Variants in NAALADL2 observed in about 807,000 individuals in gnomAD.
NAALADL2 encodes the protein N-acetylated alpha-linked acidic dipeptidase like 2.
Under a neutral mutation model 87.2 loss-of-function variants are expected in NAALADL2, and 76 were observed. The observed-to-expected ratio is 0.87, with a 90% confidence interval of 0.72 to 1.05. The LOEUF is 1.05. Ranked by LOEUF, NAALADL2 falls within the 50% of genes least tolerant of loss-of-function variation. The probability of loss-of-function intolerance (pLI) is 0.00; values close to 1 mark genes in which losing one functional copy is unlikely to be tolerated. For missense variants in NAALADL2, 1,089 were observed against 945.8 expected, an observed-to-expected ratio of 1.15 and a Z score of -1.99; for synonymous variants, 354 against 331.0, an observed-to-expected ratio of 1.07 and a Z score of -0.75.
At chr3:174,483,755 A>G (rs938311990) in intron 1 of NAALADL2, among the ~76,000 whole-genome samples, 2 of 152,074 alleles carry the variant, frequency 1.3e-5, no homozygotes, top group African/African-American at 2.4e-5. Context: ...AGAAAAGTGA[A>G]TGAAGCAAAA....
intron 2 of NAALADL2, among the ~76,000 whole-genome samples, chr3:174,602,928 T>C (rs1343029767): frequency 6.6e-6 from 1 of 152,140 alleles, no homozygotes; most frequent in East Asian, 1.9e-4. Context: ...TGTATCACCC[T>C]GATTGATTTG....
intron 1 of NAALADL2, among the ~76,000 whole-genome samples, chr3:175,001,113 C>A (rs1748169248): frequency 6.6e-6 from 1 of 152,160 alleles, no homozygotes; most frequent in Admixed American, 6.5e-5. Context: ...GGTTCCAGTC[C>A]AACCCGGACA....
intron 2 of NAALADL2, among the ~76,000 whole-genome samples, chr3:174,712,385 T>TC (rs1473344752): frequency 7.8e-6 from 1 of 127,470 alleles, no homozygotes; most frequent in Non-Finnish European, 1.7e-5. Flanking sequence ...CTCTTCTTTT[T>TC]TTTTTTTTTT....
chr3:175,599,968 A>G (rs1463623326), intron 10 of NAALADL2, among the ~76,000 whole-genome samples: 1 of 152,230 alleles, frequency 6.6e-6, no homozygotes, highest in East Asian at 1.9e-4. Context: ...GGACAGTGTT[A>G]TATCCCACAG....
intron 3 of NAALADL2, among the ~76,000 whole-genome samples, chr3:174,800,745 G>A (rs929579552): frequency 6.6e-5 from 10 of 152,212 alleles, no homozygotes; most frequent in Non-Finnish European, 1.5e-4. Context: ...AAGCAGCCAG[G>A]AGGGGAGCTA....
At chr3:174,988,527 A>G (rs1746287109) in intron 1 of NAALADL2, among the ~76,000 whole-genome samples, 1 of 152,212 alleles carries the variant, frequency 6.6e-6, no homozygotes, top group African/African-American at 2.4e-5. Context: ...CCACAAACTG[A>G]GTGCCTTAAA....
intron 1 of NAALADL2, among the ~76,000 whole-genome samples, chr3:174,882,691 G>T (rs186604581): frequency 1.4e-5 from 2 of 145,944 alleles, no homozygotes; most frequent in Admixed American, 6.8e-5. Flanking sequence ...ATGTGTATCC[G>T]TGTATATACA....
chr3:174,589,325 C>T lies in NAALADL2; in HGVS notation c.-115+38688C>T, dbSNP rs563567799. 1.6e-3 allele frequency among the ~76,000 whole-genome samples: 244 copies of T among 152,300 alleles called. 2 individuals carry two copies. Among genetic ancestry groups the T allele is most frequent in the African/African-American group, 5.4e-3 (223 of 41,570 alleles). On this transcript the variant is annotated intron_variant, in intron 2 of 3. Transcript: ENST00000434257. ...GAATTCCCCGACCCCTTGTGCTTCC[C>T]GGCTGAGGCGATGCCCTGCCTTGCT...
intron 1 of NAALADL2, among the ~76,000 whole-genome samples, chr3:174,954,232 T>C (rs1740843467): frequency 6.6e-6 from 1 of 152,132 alleles, no homozygotes; most frequent in Admixed American, 6.6e-5. Context: ...ATGTTTGGGG[T>C]ATTTTAATTT....
chr3:174,769,706 T>C (rs1208918785), intron 3 of NAALADL2, among the ~76,000 whole-genome samples: 1 of 34,110 alleles, frequency 2.9e-5, no homozygotes, highest in East Asian at 3.3e-4. Context: ...AGTAACATAT[T>C]TTTTTTCTTC....
chr3:175,298,777 A>T (rs1351600133), intron 4 of NAALADL2, among the ~76,000 whole-genome samples: 1 of 152,148 alleles, frequency 6.6e-6, no homozygotes, highest in East Asian at 1.9e-4. Context: ...CCAAGAAAAC[A>T]GTTTTGAGGC....
At chr3:175,305,208 T>A (rs1478024353) in intron 4 of NAALADL2, among the ~76,000 whole-genome samples, 1 of 151,948 alleles carries the variant, frequency 6.6e-6, no homozygotes, top group East Asian at 1.9e-4. Context: ...GTATAGAATA[T>A]TTTGTAAAAT....
At chr3:175,040,956 C>A (rs1232452832) in intron 1 of NAALADL2, among the ~76,000 whole-genome samples, 1 of 152,160 alleles carries the variant, frequency 6.6e-6, no homozygotes, top group Non-Finnish European at 1.5e-5. Flanking sequence ...CATGCCACTG[C>A]ATATTTACAG....
At chr3:174,848,505 T>C (rs1399456588) in intron 3 of NAALADL2, among the ~76,000 whole-genome samples, 1 of 152,166 alleles carries the variant, frequency 6.6e-6, no homozygotes, top group Non-Finnish European at 1.5e-5. Context: ...CGTTGTGCCA[T>C]ATAAGTTTCT....
chr3:174,903,978 TA>T (rs1279955243), intron 1 of NAALADL2, among the ~76,000 whole-genome samples: 58 of 151,640 alleles, frequency 3.8e-4, no homozygotes, highest in African/African-American at 1.3e-3. Flanking sequence ...TCTATATCTA[TA>T]TCTATTTCTA....
intron 1 of NAALADL2, among the ~76,000 whole-genome samples, chr3:175,007,908 C>T (rs1214828636): frequency 3.9e-5 from 6 of 152,108 alleles, no homozygotes; most frequent in African/African-American, 1.4e-4. Context: ...AACTCAAGCA[C>T]CGCACCACAG....
At chr3:175,601,831 C>T (rs1723018035) in intron 10 of NAALADL2, among the ~76,000 whole-genome samples, 1 of 152,050 alleles carries the variant, frequency 6.6e-6, no homozygotes, top group South Asian at 2.1e-4. Flanking sequence ...TAGCCATAAA[C>T]CATACTTTGA....
chr3:174,908,157 A>C (rs1472246418), intron 1 of NAALADL2, among the ~76,000 whole-genome samples: 1 of 150,776 alleles, frequency 6.6e-6, no homozygotes, highest in African/African-American at 2.4e-5. Context: ...CTCTGGTTGC[A>C]CTTGGTGGTG....
intron 1 of NAALADL2, among the ~76,000 whole-genome samples, chr3:174,879,102 C>T (rs1365694940): frequency 6.6e-6 from 1 of 152,042 alleles, no homozygotes; most frequent in East Asian, 1.9e-4. Context: ...GCTTAACTAG[C>T]CTTCCAGTGC....
Sources: gnomAD v4.1 joint callset for allele counts (sites outside exome capture counted in the v4.1 genomes callset) on GRCh38, gnomAD v4.1.1 for gene constraint, MANE v1.5 for transcripts, NCBI Gene and HGNC (gene_info 2026-07-23, HGNC 2026-07-21) for gene names.